The following PARP8 variants were observed in gnomAD, a reference collection of about 807,000 sequenced individuals.
PARP8 encodes the protein poly(ADP-ribose) polymerase family member 8.
PARP8 carries 51 observed loss-of-function variants against 124.1 expected under a neutral mutation model. The ratio of observed to expected loss-of-function variants is 0.41; its 90% CI spans 0.33 to 0.52. The LOEUF (loss-of-function observed/expected upper bound fraction) is 0.52. Ranked by LOEUF, PARP8 falls within the 20% of genes least tolerant of loss-of-function variation. The pLI is 0.21. For synonymous variants in PARP8, 391 were observed against 361.5 expected, an observed-to-expected ratio of 1.08 and a Z score of -0.93; for missense variants, 860 against 1,018.9, an observed-to-expected ratio of 0.84 and a Z score of 2.12.
chr5:50,703,299 CAAAA>C (rs34772044), intron 2 of PARP8, among the ~76,000 whole-genome samples: 1 of 117,502 alleles, frequency 8.5e-6, no homozygotes. Context: ...GACCGTGTCT[CAAAA>C]AAAAAAAAAA....
At chr5:50,751,109 C>T (rs1363055543) in intron 3 of PARP8, among the ~76,000 whole-genome samples, 5 of 141,598 alleles carry the variant, frequency 3.5e-5, no homozygotes. Context: ...GACTTTAAGT[C>T]AAGGTAATAG....
intron 21 of PARP8, among the ~76,000 whole-genome samples, chr5:50,829,240 A>T (rs796946730): frequency 2.0e-5 from 3 of 151,972 alleles, no homozygotes; most frequent in African/African-American, 4.8e-5. Context: ...CTGCAGCTGA[A>T]TTTTTTTTCA....
At chr5:50,826,300 A>G (rs1236771798) in intron 18 of PARP8, among the ~76,000 whole-genome samples, 12 of 152,018 alleles carry the variant, frequency 7.9e-5, no homozygotes, top group Admixed American at 7.9e-4. Flanking sequence ...CATTGTATAT[A>G]TATCAGCTCA....
chr5:50,673,589 G>C (rs542510700), intron 2 of PARP8, among the ~76,000 whole-genome samples: 1 of 152,174 alleles, frequency 6.6e-6, no homozygotes, highest in Non-Finnish European at 1.5e-5. Context: ...ATACATTTCA[G>C]TGTAAGTCAA....
chr5:50,668,378 A>G (rs1749610865), intron 2 of PARP8: 4 of 523,348 alleles, frequency 7.6e-6, no homozygotes, highest in South Asian at 2.1e-5. Flanking sequence ...CTGTTCTGCT[A>G]CAGTACTAGA....
chr5:50,771,573 A>G (rs768439397), intron 7 of PARP8, among the ~76,000 whole-genome samples: 5 of 152,226 alleles, frequency 3.3e-5, no homozygotes, highest in African/African-American at 1.2e-4. Flanking sequence ...AATCTCCCAC[A>G]TTCCTTTTCT....
intron 23 of PARP8, 132 bp downstream of exon 23, chr5:50,832,986 C>T: frequency 2.7e-6 from 2 of 731,138 alleles, no homozygotes. Flanking sequence ...AGGAATAAAA[C>T]TCACTCTGAA....
chr5:50,817,293 T>A (rs1745208959), intron 15 of PARP8, among the ~76,000 whole-genome samples: 1 of 152,250 alleles, frequency 6.6e-6, no homozygotes, highest in Admixed American at 6.5e-5. Flanking sequence ...TTTAGTGATG[T>A]AATTCTAAAA....
rs149391145 is a variant in PARP8 at position 50,716,379 on chromosome 5, T to C, written c.147-33772T>C. Among the ~76,000 whole-genome samples the C allele has an allele frequency of 1.8e-4, 28 of 152,138 alleles. No individual in the cohort carries two copies. The East Asian group carries it at 4.6e-3, about 25-fold the overall frequency. On this transcript the variant is annotated intron_variant, in intron 2 of 25. Transcript: ENST00000281631. ...ATTGGGCGGCTTCTCCTCTGTGAAG[T>C]AGGAAGGTGCTCTGCTGAGCTGAGC...
chr5:50,708,002 T>G lies in PARP8; in HGVS notation c.146+39877T>G, dbSNP rs886838533. ...TCACTAATCAGCATATTACAATGAC[T>G]GTACTGTTACACCATAAGTATATAT... On this transcript the variant is annotated intron_variant, in intron 2 of 25. Coordinates refer to ENST00000281631, the MANE Select transcript of PARP8 (RefSeq NM_024615.4). Among the ~76,000 whole-genome samples the G allele has an allele frequency of 8.7e-4, 132 of 152,276 alleles. 1 individual carries two copies. The highest frequency in any genetic ancestry group is 3.1e-3 in the African/African-American group (128 of 41,574).
chr5:50,735,735 T>G (rs1348117027), intron 2 of PARP8, among the ~76,000 whole-genome samples: 2 of 152,068 alleles, frequency 1.3e-5, no homozygotes, highest in Non-Finnish European at 2.9e-5. Flanking sequence ...CATAGAGAAA[T>G]ACGATCTAGT....
intron 2 of PARP8, among the ~76,000 whole-genome samples, chr5:50,714,741 A>AACTT (rs1755125639): frequency 6.6e-5 from 10 of 152,082 alleles, no homozygotes. Context: ...AGGGCTTTCC[A>AACTT]ACTCTATGTG....
intron 10 of PARP8, among the ~76,000 whole-genome samples, chr5:50,789,877 G>A (rs780685116): frequency 6.6e-6 from 1 of 152,140 alleles, no homozygotes; most frequent in Admixed American, 6.5e-5. Context: ...GGCATCATAT[G>A]TGGGCTTCTA....
intron 14 of PARP8, among the ~76,000 whole-genome samples, chr5:50,804,236 A>G (rs1743567871): frequency 6.6e-6 from 1 of 152,144 alleles, no homozygotes. Flanking sequence ...CACTCCAGGT[A>G]ATGGTTTAGT....
chr5:50,755,191 C>G (rs1048456578), intron 3 of PARP8, among the ~76,000 whole-genome samples: 3 of 152,112 alleles, frequency 2.0e-5, no homozygotes, highest in African/African-American at 7.2e-5. Flanking sequence ...TTAATTAGAT[C>G]CCATTTGCCA....
intron 14 of PARP8, among the ~76,000 whole-genome samples, chr5:50,798,888 T>TA (rs1264179141): frequency 6.6e-6 from 1 of 152,250 alleles, no homozygotes; most frequent in Non-Finnish European, 1.5e-5. Context: ...AATGCCTATT[T>TA]AAATCCTTTT....
At chr5:50,767,514 TC>T (rs1323414311) in intron 7 of PARP8, among the ~76,000 whole-genome samples, 1 of 152,158 alleles carries the variant, frequency 6.6e-6, no homozygotes, top group Non-Finnish European at 1.5e-5. Flanking sequence ...TAACCACTAC[TC>T]CCAACGCAAG....
intron 16 of PARP8, 38 bp from the exon 17 acceptor site, chr5:50,822,297 C>T (rs150975104): frequency 6.9e-7 from 1 of 1,440,502 alleles, no homozygotes; most frequent in Non-Finnish European, 9.8e-7. Flanking sequence ...AGCTTATAAG[C>T]AAATGCTGTT....
chr5:50,668,985 C>T (rs185667482), intron 2 of PARP8: 1 of 152,280 alleles, frequency 6.6e-6, no homozygotes, highest in African/African-American at 2.4e-5. Flanking sequence ...TATATCTTAG[C>T]TAATGGAAAC....
Sources: gnomAD v4.1 joint callset for allele counts (sites outside exome capture counted in the v4.1 genomes callset) on GRCh38, gnomAD v4.1.1 for gene constraint, MANE v1.5 for transcripts, NCBI Gene and HGNC (gene_info 2026-07-23, HGNC 2026-07-21) for gene names.